Variants in HSF1 observed in about 807,000 individuals in gnomAD.
The protein encoded by HSF1 is heat shock transcription factor 1, also known as heat shock factor protein 1.
A neutral mutation model predicts 51.7 loss-of-function variants in HSF1; 32 were observed. The observed-to-expected ratio is 0.62, with a 90% confidence interval of 0.47 to 0.83. The LOEUF (loss-of-function observed/expected upper bound fraction) is 0.83, where lower values mean the gene tolerates loss of function less well. Ranked by LOEUF, HSF1 falls within the 40% of genes least tolerant of loss-of-function variation. The pLI, the probability that HSF1 is intolerant of heterozygous loss-of-function variation, is 0.00. For missense variants in HSF1, 727 were observed against 717.0 expected (o/e 1.01, Z -0.16); for synonymous variants, 396 against 309.7 (o/e 1.28, Z -2.92).
At chr8:144,301,692 C>T (rs1554842322) in intron 1 of HSF1, among the ~76,000 whole-genome samples, 1 of 151,960 alleles carries the variant, frequency 6.6e-6, no homozygotes, top group East Asian at 1.9e-4. Flanking sequence ...CAGTGAAACC[C>T]CGTCTCTATT....
chr8:144,314,090 A>ACCCCCCCCCCCCCTGTC, intron 12 of HSF1, 35 bp from the exon 13 acceptor site: 1 of 429,022 alleles, frequency 2.3e-6, no homozygotes, highest in Non-Finnish European at 3.5e-6. Context: ...CTCTGCCCCC[A>ACCCCCCCCCCCCCTGTC]ACCCCCCACC....
intron 1 of HSF1, among the ~76,000 whole-genome samples, chr8:144,300,254 G>T (rs1013232978): frequency 8.4e-6 from 1 of 118,562 alleles, no homozygotes; most frequent in African/African-American, 3.3e-5. Flanking sequence ...GTCTCGCTCT[G>T]TTGCCAGGCT....
intron 4 of HSF1, chr8:144,310,956 C>T (rs1187994248): frequency 1.7e-6 from 1 of 589,786 alleles, no homozygotes; most frequent in East Asian, 2.8e-5. Flanking sequence ...CCCTACGTGA[C>T]ACCAGGTGTC....
chr8:144,309,419 C>T (rs1236853845), intron 2 of HSF1, 36 bp from the exon 3 acceptor site: 3 of 1,612,236 alleles, frequency 1.9e-6, no homozygotes, highest in South Asian at 1.1e-5. Context: ...TGGTCCCGCC[C>T]TGAGGCAGAG....
chr8:144,295,177 C>T lies in HSF1; in HGVS notation c.117+3303C>T, dbSNP rs1815373286. 2.6e-5 allele frequency among the ~76,000 whole-genome samples: 4 copies of T among 152,220 alleles called. No homozygotes were observed. In the South Asian group the frequency reaches 8.3e-4, roughly 32 times the overall value. On this transcript the variant is annotated intron_variant, in intron 1 of 12. Coordinates refer to ENST00000528838, the MANE Select transcript of HSF1 (RefSeq NM_005526.4). ...CCACCAGCAGAGGCTCTTCTAGGGC[C>T]TTGCTGGGCTGCAGCTGACTCAGGA... is the stretch of plus-strand genomic sequence containing the variant.
At position 144,311,112 on chromosome 8, in the gene HSF1, G is replaced by A. The variant is rs924660205; in HGVS notation, c.489-62G>A. ...CATGGGGGACAGGGAGGGTCTGTGG[G>A]GCTCCCTCAGCCCTGGGGCTCATGG... is the stretch of plus-strand genomic sequence containing the variant. On this transcript the variant is annotated intron_variant, in intron 4 of 12. Transcript: ENST00000528838. The A allele has an allele frequency of 6.9e-5, 102 of 1,480,934 alleles. No individual in the cohort carries two copies. The East Asian group carries it at 2.4e-3, about 35-fold the overall frequency. The allele number at this position is 1,480,934 out of a possible 1,614,324, so 91.7% of individuals were successfully genotyped here.
At position 144,314,388 on chromosome 8, in the gene HSF1, TG is replaced by T; in HGVS notation, c.*62del. ...CCCACCCCCAGTGCAGGGCTGGTCT[TG>T]GGGAGGCAGGGCAGCCTCGCGGTCT... On this transcript the variant is annotated 3_prime_UTR_variant, in exon 13 of 13. Transcript: ENST00000528838. 6.8e-7 allele frequency: 1 copy of T among 1,461,362 alleles called. No homozygotes were observed. The highest frequency in any genetic ancestry group is 9.3e-7 in the Non-Finnish European group (1 of 1,074,198). 90.5% of individuals were successfully genotyped at this position (1,461,362 alleles called of 1,614,324 possible). A position where few individuals can be genotyped will look rare whatever the true frequency, so the allele number is the denominator to read the frequency against.
chr8:144,308,801 A>C (rs2130419643), intron 1 of HSF1, 105 bp from the exon 2 acceptor site: 4 of 911,332 alleles, frequency 4.4e-6, no homozygotes, highest in Middle Eastern at 2.2e-4. Flanking sequence ...CATCAGGTGG[A>C]ACGTGCACTG....
intron 1 of HSF1, among the ~76,000 whole-genome samples, chr8:144,296,806 C>CAA (rs72033767): frequency 8.1e-5 from 11 of 135,140 alleles, no homozygotes; most frequent in African/African-American, 2.7e-4. Context: ...GACTCCATCT[C>CAA]AAAAAAAAAA....
intron 1 of HSF1, among the ~76,000 whole-genome samples, chr8:144,293,842 C>T (rs1815275706): frequency 6.6e-6 from 1 of 150,970 alleles, no homozygotes; most frequent in Non-Finnish European, 1.5e-5. Flanking sequence ...AAGCTTAATC[C>T]TACTAGCGTG....
rs1230007041 is a variant in HSF1, at chr8:144,309,982, CG to C, written c.488+90del. ...GGTGCTGTGGGGGCAGGGCCCTGAC[CG>C]GGGCCAGGTGCTCAGCTCCACCCTC... On this transcript the variant is annotated intron_variant, in intron 4 of 12. Transcript: ENST00000528838. 6 of 1,491,986 alleles carry C rather than the reference CG, an allele frequency of 4.0e-6. No individual in the cohort carries two copies. In the African/African-American group the frequency reaches 8.4e-5, roughly 21 times the overall value. The allele number at this position is 1,491,986 out of a possible 1,614,324, so 92.4% of individuals were successfully genotyped here.
chr8:144,301,485 A>G (rs1158916915), intron 1 of HSF1, among the ~76,000 whole-genome samples: 16 of 152,190 alleles, frequency 1.1e-4, no homozygotes, highest in Non-Finnish European at 2.2e-4. Context: ...CAAGAATATC[A>G]GTCTTAAGCA....
chr8:144,304,190 A>G (rs1588643627), intron 1 of HSF1, among the ~76,000 whole-genome samples: 1 of 152,204 alleles, frequency 6.6e-6, no homozygotes, highest in East Asian at 1.9e-4. Context: ...TGAGTGTAGT[A>G]CCCATCATGG....
At chr8:144,300,087 C>G (rs1815752646) in intron 1 of HSF1, among the ~76,000 whole-genome samples, 1 of 152,150 alleles carries the variant, frequency 6.6e-6, no homozygotes, top group Admixed American at 6.5e-5. Flanking sequence ...ACCTAGTGAC[C>G]CTCTTCCAAA....
intron 9 of HSF1, chr8:144,312,794 T>C: frequency 1.6e-6 from 2 of 1,283,708 alleles, no homozygotes; most frequent in Non-Finnish European, 2.2e-6. Context: ...AGACCCAGCC[T>C]GGCCGGGCAT....
intron 1 of HSF1, among the ~76,000 whole-genome samples, chr8:144,301,736 G>T (rs1486391353): frequency 6.6e-6 from 1 of 151,858 alleles, no homozygotes; most frequent in Non-Finnish European, 1.5e-5. Context: ...GTGGTGGCGG[G>T]TGCCTGTAGT....
At chr8:144,299,645 C>T (rs1194250658) in intron 1 of HSF1, among the ~76,000 whole-genome samples, 8 of 151,684 alleles carry the variant, frequency 5.3e-5, no homozygotes, top group African/African-American at 1.9e-4. Flanking sequence ...CGTGGTGGCT[C>T]ACACCTGTAA....
At chr8:144,295,544 A>G (rs1815395979) in intron 1 of HSF1, among the ~76,000 whole-genome samples, 2 of 152,224 alleles carry the variant, frequency 1.3e-5, no homozygotes, top group South Asian at 4.1e-4. Flanking sequence ...ACCTGGGTGC[A>G]AAATTTAAGG....
intron 1 of HSF1, among the ~76,000 whole-genome samples, chr8:144,294,854 G>A (rs1343934635): frequency 6.6e-6 from 1 of 150,718 alleles, no homozygotes; most frequent in Non-Finnish European, 1.5e-5. Flanking sequence ...GGACAGCACA[G>A]CCTTGGAGAG....
Sources: allele counts gnomAD v4.1 joint callset (sites outside exome capture counted in the v4.1 genomes callset), GRCh38; gene constraint gnomAD v4.1.1; transcripts MANE v1.5; gene names NCBI Gene and HGNC (gene_info 2026-07-23, HGNC 2026-07-21).